KCNH6: variants seen among roughly 807,000 people sequenced by gnomAD.
KCNH6 encodes voltage-gated inwardly rectifying potassium channel KCNH6.
KCNH6 carries 81 observed loss-of-function variants against 83.4 expected under a neutral mutation model. The ratio of observed to expected loss-of-function variants is 0.97; its 90% CI spans 0.81 to 1.17. The LOEUF is 1.17. Among genes scored for constraint, KCNH6 ranks in the 50% most tolerant of loss-of-function variants. The pLI is 0.00. For synonymous variants in KCNH6, 503 were observed against 545.6 expected (o/e 0.92, Z 1.09); for missense variants, 1,203 against 1,290.5 (o/e 0.93, Z 1.04).
intron 8 of KCNH6, among the ~76,000 whole-genome samples, chr17:63,539,987 T>C (rs1006547621): frequency 2.0e-5 from 3 of 152,176 alleles, no homozygotes; most frequent in African/African-American, 7.2e-5. Context: ...CCAAACTACT[T>C]AGAGTTCTCT....
chr17:63,531,121 C>A (rs1466255035), intron 4 of KCNH6, among the ~76,000 whole-genome samples: 1 of 152,252 alleles, frequency 6.6e-6, no homozygotes, highest in Admixed American at 6.5e-5. Context: ...CCCGGCAGCT[C>A]CTCCTTGGCC....
At position 63,538,016 on chromosome 17, in the gene KCNH6, T is replaced by G. The variant is rs1188543309; in HGVS notation, c.1502-49T>G. ...GAAGACCTGGGTAAGCCCTTGGTGGTGTGGCCCAGTGGGGCCGCGGAGGAG... is the reference window on the plus strand; with the variant it reads ...GAAGACCTGGGTAAGCCCTTGGTGGGGTGGCCCAGTGGGGCCGCGGAGGAG... On this transcript the variant is annotated intron_variant, in intron 6 of 12. Transcript: ENST00000314672. The surrounding 1 kb of genome is among the most constrained non-coding windows in gnomAD (Gnocchi z 4.0). 1.9e-6 allele frequency: 3 copies of G among 1,569,486 alleles called. No individual in the cohort carries two copies. Among genetic ancestry groups the G allele is most frequent in the Non-Finnish European group, 2.6e-6 (3 of 1,150,362 alleles).
Position 63,534,081 on chromosome 17 carries a change from G to C in KCNH6, c.871G>C (p.Gly291Arg), listed in dbSNP as rs199983135. The C allele has an allele frequency of 6.2e-7, 1 of 1,609,326 alleles. No individual in the cohort carries two copies. The highest frequency in any genetic ancestry group is 1.4e-5 in the African/African-American group (1 of 73,186). ...CAGCGATCAGGACGAATCACGGCGT[G>C]GGGCCTGCAGCTATACCTGCAGTCC... is the stretch of plus-strand genomic sequence containing the variant. ...LLSDQDESRR[G>R]ACSYTCSPLT... Residue 291 changes from glycine (G) to arginine (R), a missense_variant, in exon 5 of 13, where the codon GGG becomes CGG. Coordinates refer to ENST00000314672, the MANE Select transcript of KCNH6 (RefSeq NM_001278919.2). The surrounding 1 kb of genome is among the most constrained non-coding windows in gnomAD (Gnocchi z 5.0).
chr17:63,529,888 G>A (rs926000014), intron 2 of KCNH6, among the ~76,000 whole-genome samples: 4 of 152,142 alleles, frequency 2.6e-5, no homozygotes, highest in Non-Finnish European at 5.9e-5. Flanking sequence ...CAGCTTAACC[G>A]CTCTCCCCAC....
rs2147612669 is a variant in KCNH6 at position 63,524,067 on chromosome 17, C to T, written c.77-72C>T. On this transcript the variant is annotated intron_variant, in intron 1 of 12. Coordinates refer to ENST00000314672, the MANE Select transcript of KCNH6 (RefSeq NM_001278919.2). Reference sequence around the variant, plus strand: ...ATTCCCCTTACTGCCACCAAGAGTCCTTATGATCTTTCCCTCCCAGCCGCT... The same window carrying T: ...ATTCCCCTTACTGCCACCAAGAGTCTTTATGATCTTTCCCTCCCAGCCGCT... The T allele has an allele frequency of 2.8e-6, 3 of 1,073,806 alleles. No individual in the cohort carries two copies. The Admixed American group carries it at 5.1e-5, about 18-fold the overall frequency. 66.5% of individuals were successfully genotyped at this position (1,073,806 alleles called of 1,614,324 possible).
rs752231259 is a variant in KCNH6 at position 63,538,560 on chromosome 17, G to A, written c.1852G>A (p.Gly618Arg). ...VKFKTTHAPP[G>R]DTLVHLGDVL... is the part of the protein sequence containing the mutation. ...GTTCAAGACCACCCACGCGCCGCCT[G>A]GGGACACGCTGGTGCACCTCGGCGA... is the stretch of plus-strand genomic sequence containing the variant. Residue 618 changes from glycine to arginine, a missense_variant, in exon 8 of 13, where the codon GGG becomes AGG. Transcript: ENST00000314672. The surrounding 1 kb of genome is among the most constrained non-coding windows in gnomAD (Gnocchi z 4.0). 4 of 1,612,510 alleles carry A rather than the reference G, an allele frequency of 2.5e-6. No individual in the cohort carries two copies. In the Admixed American group the frequency reaches 6.7e-5, roughly 27 times the overall value.
intron 8 of KCNH6, among the ~76,000 whole-genome samples, chr17:63,540,569 CTT>C (rs1208361848): frequency 6.6e-6 from 1 of 152,144 alleles, no homozygotes; most frequent in East Asian, 1.9e-4. Flanking sequence ...AGATCAGAAT[CTT>C]TCATCTACTG....
chr17:63,541,424 G>C (rs1195451028), intron 8 of KCNH6, among the ~76,000 whole-genome samples: 1 of 151,708 alleles, frequency 6.6e-6, no homozygotes, highest in African/African-American at 2.4e-5. Flanking sequence ...GAGTAGCTGG[G>C]ATTACAGGCC....
At chr17:63,544,140 C>G in intron 10 of KCNH6, 109 bp from the exon 11 acceptor site, 1 of 1,599,430 alleles carries the variant, frequency 6.3e-7, no homozygotes, top group Non-Finnish European at 8.6e-7. Context: ...CCACTCCTCA[C>G]ACCCTGTGTC....
chr17:63,538,705 T>C lies in KCNH6; in HGVS notation c.1954+43T>C. ...GACCAGGCCTGTGTTGGGGATTGGATGGAAGAGGGCGGGATTGGAGATGCC... is the reference window on the plus strand; with the variant it reads ...GACCAGGCCTGTGTTGGGGATTGGACGGAAGAGGGCGGGATTGGAGATGCC... On this transcript the variant is annotated intron_variant, in intron 8 of 12. Transcript: ENST00000314672. This position sits in a 1 kb window ranked among gnomAD's most constrained non-coding sequence, Gnocchi z 4.0. 6.6e-7 allele frequency: 1 copy of C among 1,525,494 alleles called. No individual in the cohort carries two copies. Among genetic ancestry groups the C allele is most frequent in the East Asian group, 2.3e-5 (1 of 43,850 alleles). 94.5% of individuals were successfully genotyped at this position (1,525,494 alleles called of 1,614,324 possible).
chr17:63,542,542 C>A, intron 9 of KCNH6, 108 bp downstream of exon 9: 1 of 930,180 alleles, frequency 1.1e-6, no homozygotes, highest in Non-Finnish European at 1.7e-6. Flanking sequence ...CATCCTGCAA[C>A]CTTTGCCATA....
chr17:63,524,055 C>A, intron 1 of KCNH6, 84 bp from the exon 2 acceptor site: 4 of 935,316 alleles, frequency 4.3e-6, no homozygotes, highest in African/African-American at 1.6e-5. Context: ...CCCCTTACTG[C>A]CACCAAGAGT....
In KCNH6 at chr17:63,538,552, C is replaced by G. The variant is rs1231151880; in HGVS notation, c.1844C>G (p.Ala615Gly). ...GCCGTCAAGTTCAAGACCACCCACG[C>G]GCCGCCTGGGGACACGCTGGTGCAC... ...ALAVKFKTTH[A>G]PPGDTLVHLG... The change falls in exon 8 of 13, where the codon GCG becomes GGG. Residue 615 changes from alanine (A) to glycine (G), a missense_variant. Coordinates refer to ENST00000314672, the MANE Select transcript of KCNH6 (RefSeq NM_001278919.2). The surrounding 1 kb of genome is among the most constrained non-coding windows in gnomAD (Gnocchi z 4.0). The G allele has an allele frequency of 3.7e-6, 6 of 1,611,574 alleles. No individual in the cohort carries two copies. The highest frequency in any genetic ancestry group is 4.2e-6 in the Non-Finnish European group (5 of 1,179,146).
Position 63,543,597 on chromosome 17 carries a change from T to TC in KCNH6, c.2176dup (p.Arg726ProfsTer16), listed in dbSNP as rs1312956554. ...TAAGGCAGCCGGGGGTCTCCACTCA[T>TC]CCCCCCGACAGGCTCCTGGCAGCCA... On this transcript the variant is annotated frameshift_variant, in exon 10 of 13. Coordinates refer to ENST00000314672, the MANE Select transcript of KCNH6 (RefSeq NM_001278919.2). LOFTEE classifies it high-confidence loss of function. 2.5e-6 allele frequency: 4 copies of TC among 1,611,678 alleles called. No homozygotes were observed. Among genetic ancestry groups the TC allele is most frequent in the South Asian group, 1.1e-5 (1 of 91,024 alleles).
At chr17:63,542,196 C>A in intron 8 of KCNH6, 45 bp from the exon 9 acceptor site, 2 of 1,592,174 alleles carry the variant, frequency 1.3e-6, no homozygotes, top group South Asian at 1.1e-5. Flanking sequence ...CATAAGGGAG[C>A]ATGGAGTCAG....
Position 63,523,399 on chromosome 17 carries a change from G to A in KCNH6, c.-15G>A. On this transcript the variant is annotated 5_prime_UTR_variant, in exon 1 of 13. Transcript: ENST00000314672. This position sits in a 1 kb window ranked among gnomAD's most constrained non-coding sequence, Gnocchi z 4.2. ...AGTGGCGCCTGTGGCTCCGGGCAGG[G>A]GCCGCGGCCGAAAGATGCCGGTCCG... The A allele has an allele frequency of 1.1e-5, 17 of 1,586,716 alleles. No individual in the cohort carries two copies. Among genetic ancestry groups the A allele is most frequent in the Non-Finnish European group, 1.4e-5 (16 of 1,168,714 alleles).
rs1398895467 is a variant in KCNH6 at position 63,535,507 on chromosome 17, CCCATACTGTG to C, written c.1102-158_1102-149del. Reference sequence around the variant, plus strand: ...AGCTTTAGGCTGAGATCCTCAATGTCCCATACTGTGCCACACTGCCAAGTGCGTGGCCCGG... The same window carrying C: ...AGCTTTAGGCTGAGATCCTCAATGTCCCACACTGCCAAGTGCGTGGCCCGG... On this transcript the variant is annotated intron_variant, in intron 5 of 12. Transcript: ENST00000314672. The surrounding 1 kb of genome is among the most constrained non-coding windows in gnomAD (Gnocchi z 4.9). Among the ~76,000 whole-genome samples, 1 of 151,978 alleles carries C rather than the reference CCCATACTGTG, an allele frequency of 6.6e-6. No individual in the cohort carries two copies. The highest frequency in any genetic ancestry group is 1.9e-4 in the East Asian group (1 of 5,190).
At chr17:63,536,916 G>T (rs907193539) in intron 6 of KCNH6, among the ~76,000 whole-genome samples, 6 of 124,188 alleles carry the variant, frequency 4.8e-5, no homozygotes, top group African/African-American at 2.0e-4. Flanking sequence ...TCACACCACT[G>T]CACTCCAGCC....
At chr17:63,528,829 T>TTTTGTTTGTTTGTTTG (rs61588369) in intron 2 of KCNH6, among the ~76,000 whole-genome samples, 3,788 of 150,560 alleles carry the variant, frequency 0.025, 145 homozygotes, top group African/African-American at 0.079. Flanking sequence ...GTATGGGGTA[T>TTTTGTTTGTTTGTTTG]TTTGTTTGTT....
Sources: allele counts gnomAD v4.1 joint callset (sites outside exome capture counted in the v4.1 genomes callset), GRCh38; gene constraint gnomAD v4.1.1; non-coding constraint Gnocchi (gnomAD v3.1); transcripts MANE v1.5; gene names NCBI Gene and HGNC (gene_info 2026-07-23, HGNC 2026-07-21).